Variants in IL1RAPL1 observed in about 807,000 individuals in gnomAD.
IL1RAPL1 encodes the protein interleukin-1 receptor accessory protein-like 1.
A neutral mutation model predicts 48.4 loss-of-function variants in IL1RAPL1; 3 were observed. That is an observed-to-expected ratio of 0.06 (90% CI 0.03 to 0.16). The LOEUF is 0.16. IL1RAPL1 is among the 10% of genes least tolerant of loss of function. The pLI, the probability that IL1RAPL1 is intolerant of heterozygous loss-of-function variation, is 1.00. For synonymous variants in IL1RAPL1, 185 were observed against 187.7 expected (o/e 0.99, Z 0.12); for missense variants, 349 against 530.6 (o/e 0.66, Z 3.36).
intron 6 of IL1RAPL1, among the ~76,000 whole-genome samples, chrX:29,867,704 A>T (rs1931723147): frequency 8.9e-6 from 1 of 112,491 alleles, no homozygotes; most frequent in African/African-American, 3.2e-5. Context: ...GAAGATAGCA[A>T]TTCCTAGAAT....
At chrX:28,821,705 G>A (rs1341927614) in intron 2 of IL1RAPL1, among the ~76,000 whole-genome samples, 2 of 111,129 alleles carry the variant, frequency 1.8e-5, no homozygotes, top group African/African-American at 6.5e-5. Flanking sequence ...CCTAGTGTAA[G>A]GTGAGTAATG....
At chrX:29,393,258 A>T (rs192230266) in intron 3 of IL1RAPL1, among the ~76,000 whole-genome samples, 2 of 111,581 alleles carry the variant, frequency 1.8e-5, no homozygotes, top group Non-Finnish European at 3.8e-5. Flanking sequence ...AGTAGCTGGG[A>T]CTACAGGCGC....
intron 1 of IL1RAPL1, among the ~76,000 whole-genome samples, chrX:28,780,766 G>A (rs892278357): frequency 9.1e-5 from 10 of 109,446 alleles, no homozygotes; most frequent in Admixed American, 2.0e-4. Flanking sequence ...CAGCTCATGT[G>A]ATCTGCTGTG....
chrX:29,450,109 A>T (rs1411136362), intron 5 of IL1RAPL1, among the ~76,000 whole-genome samples: 2 of 112,019 alleles, frequency 1.8e-5, no homozygotes. Context: ...AAAATTTCAA[A>T]TGTTTTGCTT....
intron 1 of IL1RAPL1, among the ~76,000 whole-genome samples, chrX:28,616,653 C>A (rs1355315921): frequency 9.0e-6 from 1 of 111,236 alleles, no homozygotes; most frequent in Non-Finnish European, 1.9e-5. Context: ...AGGCTTGACT[C>A]AAACTCCTGA....
intron 5 of IL1RAPL1, among the ~76,000 whole-genome samples, chrX:29,488,482 CA>C (rs1412200242): frequency 8.9e-6 from 1 of 112,062 alleles, no homozygotes; most frequent in Non-Finnish European, 1.9e-5. Flanking sequence ...ATAAATTCTG[CA>C]GATCTATTGT....
At chrX:29,438,015 C>CT (rs1878009931) in intron 5 of IL1RAPL1, among the ~76,000 whole-genome samples, 1 of 110,283 alleles carries the variant, frequency 9.1e-6, no homozygotes, top group Non-Finnish European at 1.9e-5. Flanking sequence ...ATGGAGATTT[C>CT]TTTTTTTGGA....
intron 1 of IL1RAPL1, among the ~76,000 whole-genome samples, chrX:28,629,865 C>T (rs148372532): frequency 8.6e-4 from 96 of 111,843 alleles, no homozygotes; most frequent in African/African-American, 2.8e-3. Context: ...TTAAAATTGG[C>T]GAAAAGTGCT....
chrX:29,741,935 G>GAAAAAAAAAAAAAA (rs1182352727), intron 6 of IL1RAPL1, among the ~76,000 whole-genome samples: 22 of 61,697 alleles, frequency 3.6e-4, no homozygotes, highest in East Asian at 5.6e-4. Flanking sequence ...AAAAAAAAAA[G>GAAAAAAAAAAAAAA]AAAAAAAAAA....
At chrX:28,692,648 G>C (rs1269709349) in intron 1 of IL1RAPL1, among the ~76,000 whole-genome samples, 1 of 111,839 alleles carries the variant, frequency 8.9e-6, no homozygotes, top group Non-Finnish European at 1.9e-5. Context: ...AGGTAGCATA[G>C]TGTATAGGAA....
At chrX:28,891,594 A>G (rs1370877383) in intron 2 of IL1RAPL1, among the ~76,000 whole-genome samples, 3 of 112,257 alleles carry the variant, frequency 2.7e-5, no homozygotes, top group Non-Finnish European at 5.6e-5. Flanking sequence ...TTAGCACACT[A>G]TAATCCAAAG....
At chrX:28,830,992 T>TTCTCTCTC (rs1160527555) in intron 2 of IL1RAPL1, among the ~76,000 whole-genome samples, 149 of 15,945 alleles carry the variant, frequency 9.3e-3, no homozygotes, top group South Asian at 0.021. Context: ...TGCCCAGGGT[T>TTCTCTCTC]TCTCTCTCTC....
At chrX:29,601,396 A>C (rs2147062201) in intron 5 of IL1RAPL1, among the ~76,000 whole-genome samples, 1 of 112,301 alleles carries the variant, frequency 8.9e-6, no homozygotes, top group African/African-American at 3.2e-5. Flanking sequence ...CTGAAATATT[A>C]ATTATTAAGC....
chrX:29,776,912 T>C (rs1346591770), intron 6 of IL1RAPL1, among the ~76,000 whole-genome samples: 2 of 112,002 alleles, frequency 1.8e-5, no homozygotes, highest in Non-Finnish European at 1.9e-5. Context: ...ATTCACCAAT[T>C]CAACAAATAT....
intron 6 of IL1RAPL1, among the ~76,000 whole-genome samples, chrX:29,860,251 A>G (rs755837646): frequency 8.9e-6 from 1 of 112,034 alleles, no homozygotes; most frequent in African/African-American, 3.2e-5. Context: ...TTAGCTTATA[A>G]TTTAGTGTGT....
intron 6 of IL1RAPL1, 31 bp downstream of exon 6, chrX:29,668,535 C>T (rs1569142066): frequency 3.0e-6 from 3 of 1,002,608 alleles, no homozygotes; most frequent in Non-Finnish European, 4.2e-6. Context: ...AGTTAATATG[C>T]TGCTCTCGTT....
chrX:29,528,753 A>G (rs946875103), intron 5 of IL1RAPL1, among the ~76,000 whole-genome samples: 9 of 112,032 alleles, frequency 8.0e-5, no homozygotes, highest in African/African-American at 2.3e-4. Flanking sequence ...GACTTTATTT[A>G]TACTGCAAAA....
chrX:29,293,281 AT>A (rs766351004), intron 3 of IL1RAPL1, among the ~76,000 whole-genome samples: 1,437 of 96,510 alleles, frequency 0.015, 18 homozygotes, highest in African/African-American at 0.044. Context: ...AAAACAGCCT[AT>A]TTTTTTTTTT....
chrX:28,627,775 T>A (rs1370201634), intron 1 of IL1RAPL1, among the ~76,000 whole-genome samples: 1 of 111,782 alleles, frequency 8.9e-6, no homozygotes, highest in Admixed American at 9.5e-5. Context: ...CAGGTGCACA[T>A]CTGAAAAATT....
Sources: gnomAD v4.1 joint callset for allele counts (sites outside exome capture counted in the v4.1 genomes callset) on GRCh38, gnomAD v4.1.1 for gene constraint, MANE v1.5 for transcripts, NCBI Gene and HGNC (gene_info 2026-07-23, HGNC 2026-07-21) for gene names.